Variants in NAA11 observed in about 807,000 individuals in gnomAD.
NAA11 encodes N-alpha-acetyltransferase 11.
In NAA11, 15 loss-of-function variants were observed where a neutral mutation model predicts 16.1. The observed-to-expected ratio is 0.93, with a 90% CI of 0.62 to 1.44. The LOEUF (loss-of-function observed/expected upper bound fraction) is 1.44. Among genes scored for constraint, NAA11 ranks in the 40% most tolerant of loss-of-function variants. NAA11 has a pLI of 0.00. For synonymous variants in NAA11, 122 were observed against 112.4 expected, an observed-to-expected ratio of 1.09 and a Z score of -0.54; for missense variants, 298 against 291.3, an observed-to-expected ratio of 1.02 and a Z score of -0.17.
the NAA11 span, among the ~76,000 whole-genome samples, chr4:79,194,619 A>G: frequency 4.2e-4 from 64 of 152,080 alleles, no homozygotes; most frequent in African/African-American, 1.4e-3. Context: ...CTTATCTGGC[A>G]CATGTATCAA....
the NAA11 span, among the ~76,000 whole-genome samples, chr4:79,210,599 G>A: frequency 5.3e-5 from 8 of 151,964 alleles, no homozygotes; most frequent in Admixed American, 5.3e-4. Context: ...AAATTTAAAA[G>A]GAGGGGTTAG....
At chr4:79,256,896 C>G (rs1367269085) in intron 2 of NAA11, among the ~76,000 whole-genome samples, 1 of 151,802 alleles carries the variant, frequency 6.6e-6, no homozygotes. Flanking sequence ...GCTTTGGCCT[C>G]CCTAAGTGCT....
downstream of NAA11, among the ~76,000 whole-genome samples, chr4:79,314,716 A>C (rs1723878007): frequency 6.6e-6 from 1 of 150,960 alleles, no homozygotes; most frequent in African/African-American, 2.4e-5. Flanking sequence ...ATGGAAAACA[A>C]TTTCAGTGTC....
At chr4:79,214,225 G>C in the NAA11 span, among the ~76,000 whole-genome samples, 2 of 152,176 alleles carry the variant, frequency 1.3e-5, no homozygotes, top group Non-Finnish European at 2.9e-5. Context: ...TCTACTACTG[G>C]AAGGAAGTAG....
At chr4:79,272,308 A>C (rs1722512659) in intron 2 of NAA11, among the ~76,000 whole-genome samples, 1 of 152,076 alleles carries the variant, frequency 6.6e-6, no homozygotes, top group African/African-American at 2.4e-5. Flanking sequence ...AACTTGTTGG[A>C]GTTCTATTAA....
chr4:79,319,367 C>T (rs571119668), intron 1 of NAA11, among the ~76,000 whole-genome samples: 36 of 151,990 alleles, frequency 2.4e-4, no homozygotes, highest in African/African-American at 8.2e-4. Flanking sequence ...TATGGCTTTA[C>T]TTTAAAAAAA....
chr4:79,322,113 G>A (rs924553165), intron 1 of NAA11, among the ~76,000 whole-genome samples: 3 of 152,188 alleles, frequency 2.0e-5, no homozygotes, highest in African/African-American at 7.2e-5. Context: ...TTTTAGAGCA[G>A]TTAGCCTGTG....
chr4:79,301,469 T>G (rs1017423581), intron 1 of NAA11, among the ~76,000 whole-genome samples: 1 of 152,224 alleles, frequency 6.6e-6, no homozygotes, highest in African/African-American at 2.4e-5. Context: ...GATACAATTT[T>G]TTGATGAATA....
At position 79,325,977 on chromosome 4, in the gene NAA11, G is replaced by C; in HGVS notation, c.-100C>G. 1 of 1,004,046 alleles carries C rather than the reference G, an allele frequency of 1.0e-6. No individual in the cohort carries two copies. The allele number at this position is 1,004,046 out of a possible 1,614,324, so 62.2% of individuals were successfully genotyped here. ...TTTGCCTCAGGAATCGAGTCCAGGG[G>C]GCTAACACCACCGGGCTGAATCGTG... On this transcript the variant is annotated 5_prime_UTR_variant, in exon 1 of 2. Transcript: ENST00000286794.
At chr4:79,191,313 T>G in the NAA11 span, among the ~76,000 whole-genome samples, 1 of 149,968 alleles carries the variant, frequency 6.7e-6, no homozygotes, top group Non-Finnish European at 1.5e-5. Context: ...TTCCCTTTTC[T>G]CTGCAACCTC....
At chr4:79,241,357 T>A (rs72869086) in intron 2 of NAA11, among the ~76,000 whole-genome samples, 1,960 of 152,338 alleles carry the variant, frequency 0.013, 46 homozygotes, top group African/African-American at 0.044. Flanking sequence ...TTGGTAAGCA[T>A]TCCAGTCAAC....
chr4:79,210,002 C>T, the NAA11 span, among the ~76,000 whole-genome samples: 1 of 152,008 alleles, frequency 6.6e-6, no homozygotes, highest in East Asian at 1.9e-4. Flanking sequence ...GCTGAGATCA[C>T]GCTGCTGCAC....
chr4:79,182,631 C>T, the NAA11 span, among the ~76,000 whole-genome samples: 1 of 152,068 alleles, frequency 6.6e-6, no homozygotes, highest in Non-Finnish European at 1.5e-5. Flanking sequence ...AGTGAGCTAA[C>T]CTCCACCACT....
intron 2 of NAA11, among the ~76,000 whole-genome samples, chr4:79,239,793 A>G (rs1228268445): frequency 6.6e-6 from 1 of 152,168 alleles, no homozygotes; most frequent in Non-Finnish European, 1.5e-5. Context: ...AGGGATGTCT[A>G]TTTTAATAGT....
the NAA11 span, among the ~76,000 whole-genome samples, chr4:79,186,193 G>A: frequency 4.6e-5 from 7 of 152,094 alleles, no homozygotes; most frequent in South Asian, 2.1e-4. Context: ...CCCGCCTCCC[G>A]AATATACTGA....
At chr4:79,323,483 G>C (rs536721831) in intron 1 of NAA11, among the ~76,000 whole-genome samples, 1 of 151,606 alleles carries the variant, frequency 6.6e-6, no homozygotes, top group Non-Finnish European at 1.5e-5. Context: ...TCAGGAGTTC[G>C]AGACCAGCCT....
At chr4:79,195,576 A>G in the NAA11 span, among the ~76,000 whole-genome samples, 1 of 152,090 alleles carries the variant, frequency 6.6e-6, no homozygotes, top group Non-Finnish European at 1.5e-5. Context: ...AAAATAAAGC[A>G]GCTAAAAAAA....
At chr4:79,252,541 A>G (rs1212057746) in intron 2 of NAA11, among the ~76,000 whole-genome samples, 1 of 152,242 alleles carries the variant, frequency 6.6e-6, no homozygotes, top group Non-Finnish European at 1.5e-5. Context: ...TTCAAGAAAA[A>G]AAAACATGGT....
chr4:79,309,072 C>A (rs1334499579), intron 1 of NAA11, among the ~76,000 whole-genome samples: 3 of 151,686 alleles, frequency 2.0e-5, no homozygotes, highest in Non-Finnish European at 4.4e-5. Context: ...TAACTTAAAT[C>A]TCTTTTCTTA....
Sources: gnomAD v4.1 joint callset for allele counts (sites outside exome capture counted in the v4.1 genomes callset) on GRCh38, gnomAD v4.1.1 for gene constraint, MANE v1.5 for transcripts, NCBI Gene and HGNC (gene_info 2026-07-23, HGNC 2026-07-21) for gene names.